Variants in HMG20A observed in about 807,000 individuals in gnomAD.
The protein encoded by HMG20A is high mobility group 20A.
In HMG20A, 17 loss-of-function variants were observed where a neutral mutation model predicts 43.9. The observed-to-expected ratio is 0.39, with a 90% CI of 0.27 to 0.58. HMG20A has a LOEUF of 0.58. Among genes scored for constraint, HMG20A ranks in the 20% least tolerant of loss-of-function variants. The pLI is 0.59. For synonymous variants in HMG20A, 132 were observed against 147.5 expected (o/e 0.89, Z 0.76); for missense variants, 341 against 438.2 (o/e 0.78, Z 1.98).
the HMG20A span, among the ~76,000 whole-genome samples, chr15:77,499,062 A>G: frequency 6.6e-6 from 1 of 152,140 alleles, no homozygotes; most frequent in African/African-American, 2.4e-5. Flanking sequence ...GGACTGGATG[A>G]CCCCTTCTAG....
At chr15:77,517,063 C>A in the HMG20A span, among the ~76,000 whole-genome samples, 1 of 152,200 alleles carries the variant, frequency 6.6e-6, no homozygotes, top group Non-Finnish European at 1.5e-5. Context: ...TTCCCCTCCA[C>A]CAATGCTCAC....
chr15:77,517,842 A>G, the HMG20A span, among the ~76,000 whole-genome samples: 1 of 152,056 alleles, frequency 6.6e-6, no homozygotes, highest in East Asian at 1.9e-4. Context: ...GAAAACGCTC[A>G]GGTTCTGCAA....
chr15:77,476,580 ATCTAG>A (rs2072859014), intron 6 of HMG20A, among the ~76,000 whole-genome samples: 1 of 151,860 alleles, frequency 6.6e-6, no homozygotes, highest in Admixed American at 6.6e-5. Flanking sequence ...TAGGAATGAA[ATCTAG>A]GTATTATGTT....
chr15:77,434,221 G>T (rs964911661), intron 1 of HMG20A, among the ~76,000 whole-genome samples: 3 of 152,124 alleles, frequency 2.0e-5, no homozygotes, highest in Non-Finnish European at 2.9e-5. Context: ...CAAAAATCAG[G>T]TCTAGTTGGA....
chr15:77,493,099 A>G, the HMG20A span, among the ~76,000 whole-genome samples: 1 of 152,184 alleles, frequency 6.6e-6, no homozygotes, highest in African/African-American at 2.4e-5. Flanking sequence ...ATATAGCAAA[A>G]CAGGTAACAA....
intron 6 of HMG20A, among the ~76,000 whole-genome samples, chr15:77,472,926 C>T (rs1335786330): frequency 2.6e-5 from 4 of 152,158 alleles, no homozygotes; most frequent in Non-Finnish European, 5.9e-5. Flanking sequence ...AACCCCATAC[C>T]ACCTATCATG....
rs532353669 is a variant in HMG20A, at chr15:77,472,311, G to T, written c.615+497G>T. ...TTTTTTTGAGATAGAGTCTCACTCT[G>T]TCGCCCAGGCTGGAGTGCAGTGGCA... is the stretch of plus-strand genomic sequence containing the variant. On this transcript the variant is annotated intron_variant, in intron 6 of 9. Coordinates refer to ENST00000336216, the MANE Select transcript of HMG20A (RefSeq NM_001304504.2). Among the ~76,000 whole-genome samples, 4 of 152,286 alleles carry T rather than the reference G, an allele frequency of 2.6e-5. No individual in the cohort carries two copies. In the South Asian group the frequency reaches 8.3e-4, roughly 32 times the overall value.
At chr15:77,492,214 G>A in the HMG20A span, among the ~76,000 whole-genome samples, 2 of 152,164 alleles carry the variant, frequency 1.3e-5, no homozygotes, top group Non-Finnish European at 2.9e-5. Context: ...ACATGATCTA[G>A]TTCTAATAAT....
chr15:77,466,750 G>C (rs1175631688), intron 3 of HMG20A, among the ~76,000 whole-genome samples: 6 of 152,206 alleles, frequency 3.9e-5, no homozygotes, highest in African/African-American at 1.4e-4. Context: ...GGACCTGACA[G>C]TTGTCTGTGG....
At chr15:77,444,894 G>A (rs768185551) in intron 1 of HMG20A, among the ~76,000 whole-genome samples, 2 of 152,198 alleles carry the variant, frequency 1.3e-5, no homozygotes, top group Non-Finnish European at 2.9e-5. Flanking sequence ...TTACTGTTCA[G>A]AGTAGTAAAG....
At chr15:77,466,658 A>C (rs12909547) in intron 3 of HMG20A, among the ~76,000 whole-genome samples, 12,911 of 152,166 alleles carry the variant, frequency 0.085, 624 homozygotes, top group Non-Finnish European at 0.1. Context: ...ATCTTACTCT[A>C]ATCTGACAAT....
chr15:77,489,830 C>T (rs1279890143), downstream of HMG20A, among the ~76,000 whole-genome samples: 6 of 152,294 alleles, frequency 3.9e-5, no homozygotes, highest in South Asian at 2.1e-4. Context: ...GCAGAGTAAA[C>T]GAGAGGCAGA....
chr15:77,438,064 C>T (rs1013535261), intron 1 of HMG20A, among the ~76,000 whole-genome samples: 1 of 151,956 alleles, frequency 6.6e-6, no homozygotes, highest in African/African-American at 2.4e-5. Context: ...AAAAGTGATC[C>T]TCCCGCCTCA....
chr15:77,469,515 G>A (rs2072787232), intron 4 of HMG20A, among the ~76,000 whole-genome samples: 1 of 151,974 alleles, frequency 6.6e-6, no homozygotes. Flanking sequence ...TTTATGTTTT[G>A]TAGAGATGGG....
At position 77,465,899 on chromosome 15, in the gene HMG20A, G is replaced by A. The variant is rs181955493; in HGVS notation, c.238-1196G>A. 4.3e-3 allele frequency among the ~76,000 whole-genome samples: 658 copies of A among 152,078 alleles called. 3 individuals carry two copies. Among genetic ancestry groups the A allele is most frequent in the Middle Eastern group, 6.8e-3 (2 of 294 alleles). On this transcript the variant is annotated intron_variant, in intron 3 of 9. Transcript: ENST00000336216. ...GTATCCATGAAATATTAACTGATAC[G>A]GCTGTATTTGTAAAATTATGAAGTA...
chr15:77,480,392 C>T (rs1253106478), intron 9 of HMG20A, among the ~76,000 whole-genome samples: 1 of 151,730 alleles, frequency 6.6e-6, no homozygotes, highest in Non-Finnish European at 1.5e-5. Context: ...GGCAGTATTG[C>T]CTGAGCCCAG....
At chr15:77,438,270 GA>G (rs1410108464) in intron 1 of HMG20A, among the ~76,000 whole-genome samples, 1 of 150,864 alleles carries the variant, frequency 6.6e-6, no homozygotes, top group Admixed American at 6.6e-5. Flanking sequence ...TGAGCGACTG[GA>G]CCCAGCCAAA....
the HMG20A span, among the ~76,000 whole-genome samples, chr15:77,514,098 T>A: frequency 6.6e-6 from 1 of 152,178 alleles, no homozygotes; most frequent in Non-Finnish European, 1.5e-5. Context: ...ACAGACACAT[T>A]AGGGGTTAGG....
the HMG20A span, among the ~76,000 whole-genome samples, chr15:77,513,267 C>G: frequency 6.6e-6 from 1 of 152,186 alleles, no homozygotes; most frequent in Non-Finnish European, 1.5e-5. Flanking sequence ...GCTTAAACTT[C>G]TTCTCAAATG....
Sources: gnomAD v4.1 joint callset for allele counts (sites outside exome capture counted in the v4.1 genomes callset) on GRCh38, gnomAD v4.1.1 for gene constraint, MANE v1.5 for transcripts, NCBI Gene and HGNC (gene_info 2026-07-23, HGNC 2026-07-21) for gene names.